ODAD2: variants seen among roughly 807,000 people sequenced by gnomAD.
The protein encoded by ODAD2 is outer dynein arm docking complex subunit 2, also known as outer dynein arm-docking complex subunit 2.
Under a neutral mutation model 106.8 loss-of-function variants are expected in ODAD2, and 89 were observed. The ratio of observed to expected loss-of-function variants is 0.83; its 90% CI spans 0.70 to 0.99. The LOEUF is 0.99. ODAD2 is among the 50% of genes least tolerant of loss of function. The probability of loss-of-function intolerance (pLI) is 0.00; values close to 1 mark genes in which losing one functional copy is unlikely to be tolerated. For missense variants in ODAD2, 1,168 were observed against 1,238.5 expected (o/e 0.94, Z 0.85); for synonymous variants, 404 against 436.2 (o/e 0.93, Z 0.92).
chr10:27,979,817 C>T (rs566355284), intron 7 of ODAD2, among the ~76,000 whole-genome samples: 5 of 152,226 alleles, frequency 3.3e-5, no homozygotes, highest in African/African-American at 1.2e-4. Context: ...TCAATGAAAT[C>T]TCTATCAAAA....
intron 8 of ODAD2, among the ~76,000 whole-genome samples, chr10:27,970,211 C>T (rs1180033492): frequency 2.0e-5 from 3 of 152,052 alleles, no homozygotes; most frequent in Non-Finnish European, 4.4e-5. Flanking sequence ...TTTGCTTTGA[C>T]GCCTGTTTAT....
chr10:27,949,852 T>C (rs1335169113), intron 10 of ODAD2, among the ~76,000 whole-genome samples: 1 of 152,084 alleles, frequency 6.6e-6, no homozygotes, highest in East Asian at 1.9e-4. Flanking sequence ...TCACGAACCA[T>C]AAAGAAACGT....
chr10:27,907,545 C>T (rs1564490601), intron 17 of ODAD2, 118 bp downstream of exon 17: 1 of 620,146 alleles, frequency 1.6e-6, no homozygotes, highest in Admixed American at 2.8e-5. Context: ...TTGTGCAACC[C>T]TCTCCCACCA....
chr10:27,906,822 A>G (rs1452422791), intron 17 of ODAD2, among the ~76,000 whole-genome samples: 1 of 152,266 alleles, frequency 6.6e-6, no homozygotes, highest in Non-Finnish European at 1.5e-5. Flanking sequence ...ATGAGAACAC[A>G]TGGACACAGG....
intron 10 of ODAD2, among the ~76,000 whole-genome samples, chr10:27,947,636 G>A (rs1389522962): frequency 3.3e-5 from 5 of 152,180 alleles, no homozygotes; most frequent in Non-Finnish European, 5.9e-5. Context: ...CTCCCCAGGA[G>A]TGTCTGAAGT....
chr10:27,816,595 A>T (rs1836153944), intron 19 of ODAD2, among the ~76,000 whole-genome samples: 1 of 152,188 alleles, frequency 6.6e-6, no homozygotes, highest in African/African-American at 2.4e-5. Flanking sequence ...TTTAGGTGGG[A>T]CCAAAGCATA....
chr10:27,817,377 A>T (rs1836221382), intron 19 of ODAD2, among the ~76,000 whole-genome samples: 1 of 152,250 alleles, frequency 6.6e-6, no homozygotes, highest in African/African-American at 2.4e-5. Flanking sequence ...TTTCGAGGGT[A>T]CAAGTGCAAA....
chr10:27,896,503 G>A (rs913360516), intron 17 of ODAD2, among the ~76,000 whole-genome samples: 16 of 152,188 alleles, frequency 1.1e-4, no homozygotes, highest in African/African-American at 3.1e-4. Flanking sequence ...CAGGCCATGC[G>A]TTTGTTGCCT....
intron 10 of ODAD2, chr10:27,958,809 C>T (rs1847905920): frequency 7.9e-7 from 1 of 1,258,478 alleles, no homozygotes; most frequent in African/African-American, 1.6e-5. Flanking sequence ...AATGAGGAAA[C>T]TGAAGCTTAG....
At chr10:27,827,958 CAGA>C (rs1465526370) in intron 19 of ODAD2, among the ~76,000 whole-genome samples, 2 of 151,920 alleles carry the variant, frequency 1.3e-5, no homozygotes, top group African/African-American at 2.4e-5. Flanking sequence ...GCGGATTGGC[CAGA>C]AGGAGATGCA....
intron 9 of ODAD2, 80 bp from the exon 10 acceptor site, chr10:27,961,795 T>A: frequency 8.0e-7 from 1 of 1,245,224 alleles, no homozygotes; most frequent in Non-Finnish European, 1.1e-6. Context: ...CCAGGTGCAG[T>A]GGCTCATGCC....
chr10:27,856,291 G>C (rs1384939405), intron 19 of ODAD2, among the ~76,000 whole-genome samples: 1 of 152,134 alleles, frequency 6.6e-6, no homozygotes, highest in Non-Finnish European at 1.5e-5. Flanking sequence ...ACATTTAGAA[G>C]AGATTCTTAC....
At chr10:27,885,737 TTA>T (rs1842129416) in intron 17 of ODAD2, among the ~76,000 whole-genome samples, 2 of 47,486 alleles carry the variant, frequency 4.2e-5, no homozygotes, top group African/African-American at 8.1e-5. Context: ...ATAAAATATA[TTA>T]TGTTATATAT....
At chr10:27,996,263 C>A (rs1162764087) in intron 1 of ODAD2, among the ~76,000 whole-genome samples, 1 of 152,048 alleles carries the variant, frequency 6.6e-6, no homozygotes, top group Non-Finnish European at 1.5e-5. Context: ...GCTTTTTACT[C>A]CCATCATTAT....
At chr10:27,971,397 G>A (rs1403377025) in intron 7 of ODAD2, 84 bp from the exon 8 acceptor site, 1 of 1,197,216 alleles carries the variant, frequency 8.4e-7, no homozygotes, top group Admixed American at 2.8e-5. Flanking sequence ...GGTAAATTCA[G>A]GAAAGGAAGT....
At chr10:27,971,087 C>T in intron 8 of ODAD2, 21 bp downstream of exon 8, 2 of 1,576,548 alleles carry the variant, frequency 1.3e-6, no homozygotes, top group South Asian at 2.3e-5. Flanking sequence ...CATCTGAAAA[C>T]AAATGCAAAT....
intron 7 of ODAD2, among the ~76,000 whole-genome samples, chr10:27,973,916 CTTT>C (rs199988449): frequency 6.6e-6 from 1 of 152,040 alleles, no homozygotes. Context: ...TACGTATTCC[CTTT>C]TTTTCTGCAA....
intron 17 of ODAD2, among the ~76,000 whole-genome samples, chr10:27,866,748 G>T (rs976420102): frequency 6.6e-6 from 1 of 152,060 alleles, no homozygotes; most frequent in Non-Finnish European, 1.5e-5. Flanking sequence ...TTAACAATCA[G>T]TTCTGGTGGG....
intron 19 of ODAD2, among the ~76,000 whole-genome samples, chr10:27,820,692 AC>A (rs1187221475): frequency 1.3e-5 from 2 of 151,870 alleles, no homozygotes; most frequent in Admixed American, 1.3e-4. Context: ...TAAGTTTCTC[AC>A]ATTAACCACA....
Sources: gnomAD v4.1 joint callset for allele counts (sites outside exome capture counted in the v4.1 genomes callset) on GRCh38, gnomAD v4.1.1 for gene constraint, MANE v1.5 for transcripts, NCBI Gene and HGNC (gene_info 2026-07-23, HGNC 2026-07-21) for gene names.